The following CNTNAP2 variants were observed in gnomAD, a reference collection of about 807,000 sequenced individuals.
The protein encoded by CNTNAP2 is contactin associated protein 2.
A neutral mutation model predicts 155.2 loss-of-function variants in CNTNAP2; 98 were observed. The ratio of observed to expected loss-of-function variants is 0.63; its 90% CI spans 0.54 to 0.75. CNTNAP2 has a LOEUF of 0.75. CNTNAP2 is among the 30% of genes least tolerant of loss of function. The pLI is 0.00. For synonymous variants in CNTNAP2, 651 were observed against 631.2 expected, an observed-to-expected ratio of 1.03 and a Z score of -0.47; for missense variants, 1,727 against 1,688.1, an observed-to-expected ratio of 1.02 and a Z score of -0.40.
Position 146,581,330 on chromosome 7 carries a change from C to T in CNTNAP2, c.98-192941C>T, listed in dbSNP as rs549890296. Among the ~76,000 whole-genome samples the T allele has an allele frequency of 2.6e-5, 4 of 152,116 alleles. No individual in the cohort carries two copies. In the South Asian group the frequency reaches 6.2e-4, roughly 24 times the overall value. ...TAGAAAGGTCAGAATCAGCCATCTC[C>T]TAAGATACTTTATTTTATTTTGTTA... On this transcript the variant is annotated intron_variant, in intron 1 of 23. Coordinates refer to ENST00000361727, the MANE Select transcript of CNTNAP2 (RefSeq NM_014141.6).
chr7:148,165,540 G>A (rs963314), intron 17 of CNTNAP2, among the ~76,000 whole-genome samples: 90,335 of 151,994 alleles, frequency 0.59, 30,011 homozygotes, highest in African/African-American at 0.9. Context: ...AGCAATAATC[G>A]TAACAGCTAC....
At chr7:147,976,364 G>T (rs1468287881) in intron 14 of CNTNAP2, among the ~76,000 whole-genome samples, 1 of 152,004 alleles carries the variant, frequency 6.6e-6, no homozygotes, top group African/African-American at 2.4e-5. Context: ...AATATCAAAG[G>T]CTTTGTTTCC....
chr7:146,650,189 T>C (rs527486878), intron 1 of CNTNAP2, among the ~76,000 whole-genome samples: 5 of 152,248 alleles, frequency 3.3e-5, no homozygotes, highest in Admixed American at 6.5e-5. Flanking sequence ...GCAATCCCAT[T>C]ACTGGGTATA....
At chr7:146,673,490 A>G (rs1245431541) in intron 1 of CNTNAP2, among the ~76,000 whole-genome samples, 1 of 152,228 alleles carries the variant, frequency 6.6e-6, no homozygotes. Context: ...TTTTCCATAC[A>G]TAGTGAACTG....
intron 3 of CNTNAP2, among the ~76,000 whole-genome samples, chr7:146,923,128 A>G (rs1796537861): frequency 6.6e-6 from 1 of 152,180 alleles, no homozygotes; most frequent in South Asian, 2.1e-4. Context: ...TTTAAAGCTC[A>G]GTTTCCTCTC....
At chr7:148,181,296 TAGAG>T (rs1236891340) in intron 18 of CNTNAP2, among the ~76,000 whole-genome samples, 1 of 152,142 alleles carries the variant, frequency 6.6e-6, no homozygotes, top group Non-Finnish European at 1.5e-5. Context: ...TATGTCCCTC[TAGAG>T]AGAACCCTAA....
At chr7:147,474,615 T>A (rs989521154) in intron 10 of CNTNAP2, among the ~76,000 whole-genome samples, 1 of 151,858 alleles carries the variant, frequency 6.6e-6, no homozygotes, top group African/African-American at 2.4e-5. Flanking sequence ...AGTGACATTC[T>A]TGTGACAACC....
chr7:146,761,924 C>A (rs1200454035), intron 1 of CNTNAP2, among the ~76,000 whole-genome samples: 1 of 152,024 alleles, frequency 6.6e-6, no homozygotes. Context: ...CAAATCGCCA[C>A]TTCAAAGGAT....
chr7:147,467,181 A>G (rs1798135196), intron 10 of CNTNAP2, among the ~76,000 whole-genome samples: 1 of 152,192 alleles, frequency 6.6e-6, no homozygotes, highest in Admixed American at 6.5e-5. Flanking sequence ...GTTTGATTTC[A>G]GGGCTGTAAA....
intron 8 of CNTNAP2, among the ~76,000 whole-genome samples, chr7:147,221,802 G>C (rs771087400): frequency 6.6e-6 from 1 of 151,822 alleles, no homozygotes; most frequent in Non-Finnish European, 1.5e-5. Context: ...TTTTTCTTTG[G>C]CCAGACAAAG....
intron 1 of CNTNAP2, among the ~76,000 whole-genome samples, chr7:146,488,291 C>CCCTCCCTCCCTT (rs1286759747): frequency 8.5e-6 from 1 of 117,536 alleles, no homozygotes; most frequent in African/African-American, 3.6e-5. Context: ...CTCCCTCCCT[C>CCCTCCCTCCCTT]CCTCCCTCCC....
chr7:146,606,386 G>A (rs1013390216), intron 1 of CNTNAP2, among the ~76,000 whole-genome samples: 1 of 152,116 alleles, frequency 6.6e-6, no homozygotes, highest in Non-Finnish European at 1.5e-5. Context: ...TACATTGAAG[G>A]AATTGATATT....
At chr7:147,656,322 C>G (rs555142210) in intron 13 of CNTNAP2, among the ~76,000 whole-genome samples, 3 of 152,300 alleles carry the variant, frequency 2.0e-5, no homozygotes, top group African/African-American at 7.2e-5. Context: ...ACTTTGCTAG[C>G]TGTTTGGCGC....
rs67048724 is a variant in CNTNAP2, at chr7:147,414,941, CAAAAAAAA to C, written c.1670+19176_1670+19183del. Reference sequence around the variant, plus strand: ...TGGGTGAAAGAGAGAGACTCCTTCTCAAAAAAAAAAAAAAAAAAAAAAGAAAAGAAAAA... The same window carrying C: ...TGGGTGAAAGAGAGAGACTCCTTCTCAAAAAAAAAAAAAAGAAAAGAAAAA... On this transcript the variant is annotated intron_variant, in intron 10 of 23. Coordinates refer to ENST00000361727, the MANE Select transcript of CNTNAP2 (RefSeq NM_014141.6). Among the ~76,000 whole-genome samples the C allele has an allele frequency of 2.6e-3, 132 of 50,964 alleles. 1 individual carries two copies. Among genetic ancestry groups the C allele is most frequent in the African/African-American group, 8.4e-3 (127 of 15,156 alleles). The allele number at this position is 50,964 out of a possible 152,430, so 33.4% of individuals were successfully genotyped here. A position where few individuals can be genotyped will look rare whatever the true frequency, so the allele number is the denominator to read the frequency against.
intron 11 of CNTNAP2, among the ~76,000 whole-genome samples, chr7:147,549,184 C>T (rs1276819413): frequency 2.0e-5 from 3 of 152,120 alleles, no homozygotes; most frequent in Non-Finnish European, 4.4e-5. Context: ...CTATAAATTA[C>T]TTTGGGCAGT....
intron 2 of CNTNAP2, among the ~76,000 whole-genome samples, chr7:146,775,126 A>G (rs1802366401): frequency 6.6e-6 from 1 of 152,204 alleles, no homozygotes; most frequent in Admixed American, 6.5e-5. Flanking sequence ...AATTCAGTAA[A>G]ACAGGAATGG....
intron 3 of CNTNAP2, among the ~76,000 whole-genome samples, chr7:147,000,425 GT>G (rs746787134): frequency 2.6e-5 from 4 of 151,954 alleles, no homozygotes; most frequent in Non-Finnish European, 4.4e-5. Flanking sequence ...GTGACTTCAT[GT>G]TTTCCTGATT....
rs114311586 is a variant in CNTNAP2, at chr7:147,613,985, A to G, written c.1898-25121A>G. Among the ~76,000 whole-genome samples the G allele has an allele frequency of 6.4e-3, 970 of 152,342 alleles. 10 individuals are homozygous for G. Among genetic ancestry groups the G allele is most frequent in the African/African-American group, 0.022 (927 of 41,574 alleles). ...AGGGATCTAATTTTATTTTTTCAAT[A>G]TGAATAAACAATTTTAAATTTCTCA... is the stretch of plus-strand genomic sequence containing the variant. On this transcript the variant is annotated intron_variant, in intron 12 of 23. Transcript: ENST00000361727.
At chr7:148,389,164 C>A (rs1228528339) in intron 22 of CNTNAP2, among the ~76,000 whole-genome samples, 2 of 152,156 alleles carry the variant, frequency 1.3e-5, no homozygotes, top group Non-Finnish European at 2.9e-5. Flanking sequence ...TCCTCCTATT[C>A]TTTTATTCCT....
Sources: allele counts gnomAD v4.1 joint callset (sites outside exome capture counted in the v4.1 genomes callset), GRCh38; gene constraint gnomAD v4.1.1; transcripts MANE v1.5; gene names NCBI Gene and HGNC (gene_info 2026-07-23, HGNC 2026-07-21).